Variants in ST6GALNAC3 observed in about 807,000 individuals in gnomAD.
ST6GALNAC3 encodes ST6 N-acetylgalactosaminide alpha-2,6-sialyltransferase 3, also known as alpha-N-acetylgalactosaminide alpha-2,6-sialyltransferase 3.
Under a neutral mutation model 32.7 loss-of-function variants are expected in ST6GALNAC3, and 25 were observed. That is an observed-to-expected ratio of 0.76 (90% confidence interval 0.56 to 1.07). The LOEUF is 1.07. Ranked by LOEUF, ST6GALNAC3 falls within the 50% of genes least tolerant of loss-of-function variation. ST6GALNAC3 has a pLI of 0.00. For synonymous variants in ST6GALNAC3, 129 were observed against 133.1 expected, an observed-to-expected ratio of 0.97 and a Z score of 0.21; for missense variants, 355 against 382.4, an observed-to-expected ratio of 0.93 and a Z score of 0.60.
rs17098080 is a variant in ST6GALNAC3 at position 76,094,665 on chromosome 1, T to C, written c.18+19781T>C. ...ATTTTAAGTAGAGGAAACGTGTATA[T>C]GATTTACATTTCCAAAGATTGTTCT... On this transcript the variant is annotated intron_variant, in intron 1 of 4. Coordinates refer to ENST00000328299, the MANE Select transcript of ST6GALNAC3 (RefSeq NM_152996.4). Among the ~76,000 whole-genome samples the C allele has an allele frequency of 5.3e-3, 800 of 152,314 alleles. 10 individuals are homozygous for C. Among genetic ancestry groups the C allele is most frequent in the African/African-American group, 0.018 (754 of 41,564 alleles).
chr1:76,273,192 T>C (rs1304763896), intron 1 of ST6GALNAC3, among the ~76,000 whole-genome samples: 1 of 152,036 alleles, frequency 6.6e-6, no homozygotes, highest in Non-Finnish European at 1.5e-5. Context: ...TTTACATTGT[T>C]GACAGAAATA....
chr1:76,421,017 G>C (rs1050208831), intron 3 of ST6GALNAC3, among the ~76,000 whole-genome samples: 3 of 151,934 alleles, frequency 2.0e-5, no homozygotes. Flanking sequence ...TACCAGCCTT[G>C]TTTCTCCAAG....
At chr1:76,141,859 G>A (rs1016654470) in intron 1 of ST6GALNAC3, among the ~76,000 whole-genome samples, 9 of 152,184 alleles carry the variant, frequency 5.9e-5, no homozygotes, top group African/African-American at 2.2e-4. Context: ...CACTGCCCTA[G>A]AGTTGAGATT....
chr1:76,322,758 C>T (rs1161242395), intron 2 of ST6GALNAC3, among the ~76,000 whole-genome samples: 4 of 151,880 alleles, frequency 2.6e-5, no homozygotes, highest in Non-Finnish European at 5.9e-5. Context: ...CCCCCACCCC[C>T]CCACAAGTTT....
At chr1:76,131,106 T>C (rs1649578376) in intron 1 of ST6GALNAC3, among the ~76,000 whole-genome samples, 1 of 152,252 alleles carries the variant, frequency 6.6e-6, no homozygotes, top group African/African-American at 2.4e-5. Context: ...TTCTATTTTA[T>C]CAGTGGGAGA....
intron 1 of ST6GALNAC3, among the ~76,000 whole-genome samples, chr1:76,211,632 G>A (rs1434317720): frequency 6.6e-6 from 1 of 152,112 alleles, no homozygotes; most frequent in African/African-American, 2.4e-5. Flanking sequence ...CATGTCCTTT[G>A]TAGGGACATG....
At chr1:76,148,985 C>T (rs911053491) in intron 1 of ST6GALNAC3, among the ~76,000 whole-genome samples, 3 of 152,142 alleles carry the variant, frequency 2.0e-5, no homozygotes, top group Non-Finnish European at 2.9e-5. Context: ...TTCCCGTTGC[C>T]GAGCCTTAGT....
chr1:76,098,738 C>A (rs1647173967), intron 1 of ST6GALNAC3, among the ~76,000 whole-genome samples: 2 of 151,948 alleles, frequency 1.3e-5, no homozygotes, highest in Non-Finnish European at 2.9e-5. Context: ...TCTTTTCATT[C>A]CTTTACTGGT....
At chr1:76,628,546 A>C (rs973575629) in intron 4 of ST6GALNAC3, 74 bp from the exon 5 acceptor site, 2 of 1,358,474 alleles carry the variant, frequency 1.5e-6, no homozygotes, top group Non-Finnish European at 2.0e-6. Context: ...CTGGGCACAT[A>C]ATGGATTCTT....
intron 3 of ST6GALNAC3, among the ~76,000 whole-genome samples, chr1:76,520,387 T>C (rs963528661): frequency 2.6e-5 from 4 of 152,138 alleles, no homozygotes; most frequent in African/African-American, 9.7e-5. Context: ...TAAAGCTGTA[T>C]TTACAGCATA....
rs535851111 is a variant in ST6GALNAC3 at position 76,088,276 on chromosome 1, A to G, written c.18+13392A>G. 5.3e-5 allele frequency among the ~76,000 whole-genome samples: 8 copies of G among 152,294 alleles called. No homozygotes were observed. The East Asian group carries it at 1.2e-3, about 22-fold the overall frequency. Reference sequence around the variant, plus strand: ...GACCACAGACTTTGTTTCCTTTGCCACTTTGGTGGTCTGTCTCCTAGAGCA... The same window carrying G: ...GACCACAGACTTTGTTTCCTTTGCCGCTTTGGTGGTCTGTCTCCTAGAGCA... On this transcript the variant is annotated intron_variant, in intron 1 of 4. Coordinates refer to ENST00000328299, the MANE Select transcript of ST6GALNAC3 (RefSeq NM_152996.4).
At chr1:76,373,036 A>T (rs945752092) in intron 2 of ST6GALNAC3, among the ~76,000 whole-genome samples, 7 of 152,068 alleles carry the variant, frequency 4.6e-5, no homozygotes, top group African/African-American at 1.7e-4. Context: ...GGCTCAAGTG[A>T]TCCTCCTGCT....
At chr1:76,195,241 A>T (rs1317847730) in intron 1 of ST6GALNAC3, among the ~76,000 whole-genome samples, 1 of 152,248 alleles carries the variant, frequency 6.6e-6, no homozygotes, top group Middle Eastern at 3.2e-3. Context: ...CCAACTGCCC[A>T]CATATAAATA....
intron 3 of ST6GALNAC3, among the ~76,000 whole-genome samples, chr1:76,546,229 C>T (rs1664292593): frequency 6.6e-6 from 1 of 152,198 alleles, no homozygotes; most frequent in Non-Finnish European, 1.5e-5. Context: ...GACCCTCTTA[C>T]AGCACCTAGC....
At chr1:76,363,305 A>T (rs970448378) in intron 2 of ST6GALNAC3, among the ~76,000 whole-genome samples, 2 of 152,166 alleles carry the variant, frequency 1.3e-5, no homozygotes, top group Admixed American at 1.3e-4. Flanking sequence ...AGATCCCTGG[A>T]GCAGGGGCAC....
chr1:76,457,604 G>A (rs1296221605), intron 3 of ST6GALNAC3, among the ~76,000 whole-genome samples: 1 of 151,792 alleles, frequency 6.6e-6, no homozygotes, highest in Non-Finnish European at 1.5e-5. Flanking sequence ...TCTGATCTTT[G>A]ACAAACCTGA....
intron 3 of ST6GALNAC3, among the ~76,000 whole-genome samples, chr1:76,501,936 C>G (rs902209216): frequency 1.3e-5 from 2 of 152,196 alleles, no homozygotes; most frequent in African/African-American, 4.8e-5. Context: ...TTCTGTGATA[C>G]TTTTCTCCTC....
chr1:76,528,510 G>T (rs766125782), intron 3 of ST6GALNAC3, among the ~76,000 whole-genome samples: 9 of 152,128 alleles, frequency 5.9e-5, no homozygotes, highest in Non-Finnish European at 1.0e-4. Flanking sequence ...CTAGAAAGAA[G>T]ATTCTTTACT....
intron 3 of ST6GALNAC3, among the ~76,000 whole-genome samples, chr1:76,448,186 A>G (rs929329616): frequency 1.3e-5 from 2 of 152,126 alleles, no homozygotes; most frequent in African/African-American, 2.4e-5. Context: ...GTCAAAGGAG[A>G]TCATTTTGGA....
Sources: gnomAD v4.1 joint callset for allele counts (sites outside exome capture counted in the v4.1 genomes callset) on GRCh38, gnomAD v4.1.1 for gene constraint, MANE v1.5 for transcripts, NCBI Gene and HGNC (gene_info 2026-07-23, HGNC 2026-07-21) for gene names.